Variants in COL4A1 observed in about 807,000 individuals in gnomAD.
COL4A1 encodes collagen type IV alpha 1 chain.
Under a neutral mutation model 216.6 loss-of-function variants are expected in COL4A1, and 40 were observed. The observed-to-expected ratio is 0.18, with a 90% CI of 0.14 to 0.24. COL4A1 has a LOEUF of 0.24. COL4A1 is among the 10% of genes least tolerant of loss of function. The pLI is 1.00. For synonymous variants in COL4A1, 839 were observed against 810.7 expected (o/e 1.03, Z -0.59); for missense variants, 1,628 against 2,196.8 (o/e 0.74, Z 5.18).
chr13:110,221,992 C>T (rs1880503074), intron 2 of COL4A1, among the ~76,000 whole-genome samples: 1 of 152,196 alleles, frequency 6.6e-6, no homozygotes, highest in South Asian at 2.1e-4. Context: ...TCTCTGGAAA[C>T]ACTTGTATTT....
At chr13:110,306,731 G>A (rs949858017) in intron 1 of COL4A1, among the ~76,000 whole-genome samples, 20 of 152,328 alleles carry the variant, frequency 1.3e-4, no homozygotes, top group African/African-American at 4.8e-4. Flanking sequence ...TAACTCTCCA[G>A]TACCCATACC....
In COL4A1 at chr13:110,186,407, G is replaced by A. The variant is rs1252809727; in HGVS notation, c.1875C>T (p.Gly625=). 1.9e-6 allele frequency: 3 copies of A among 1,613,344 alleles called. No individual in the cohort carries two copies. The South Asian group carries it at 3.3e-5, about 18-fold the overall frequency. Residue 625 remains glycine, a synonymous_variant, in exon 26 of 52, where the codon GGC becomes GGT. Transcript: ENST00000375820. ...CACCTGGCAGGCCTGGGGATCCAGG[G>A]CCTCCAGGAAAGCCTGCTTGTCCTT... ...GDKGQAGFPG[G]PGSPGLPGPK... is the part of the protein sequence containing the mutation.
chr13:110,306,880 G>T lies in COL4A1; in HGVS notation c.84+64C>A. On this transcript the variant is annotated intron_variant, in intron 1 of 51. Coordinates refer to ENST00000375820, the MANE Select transcript of COL4A1 (RefSeq NM_001845.6). ...GCGGACGGGTCCAGGCGCGGACAAA[G>T]GGGCCTCTCGGGGCGCCCAAGCTCG... 2.2e-6 allele frequency: 3 copies of T among 1,386,160 alleles called. No individual in the cohort carries two copies. In the South Asian group the frequency reaches 4.6e-5, roughly 21 times the overall value. The allele number at this position is 1,386,160 out of a possible 1,614,324, so 85.9% of individuals were successfully genotyped here. A position where few individuals can be genotyped will look rare whatever the true frequency, so the allele number is the denominator to read the frequency against.
At position 110,174,538 on chromosome 13, in the gene COL4A1, AACAAAAC is replaced by A; in HGVS notation, c.3326-19_3326-13del. The A allele has an allele frequency of 6.2e-7, 1 of 1,614,142 alleles. No individual in the cohort carries two copies. Among genetic ancestry groups the A allele is most frequent in the Non-Finnish European group, 8.5e-7 (1 of 1,180,024 alleles). ...TAGCCCAGGACTTCCTAAAGAAAAAAACAAAACACCAGAACATCCATAAGTTTGGGCT... is the reference window on the plus strand; with the variant it reads ...TAGCCCAGGACTTCCTAAAGAAAAAAACCAGAACATCCATAAGTTTGGGCT... On this transcript the variant is annotated splice_polypyrimidine_tract_variant and intron_variant, in intron 38 of 51. Transcript: ENST00000375820.
In COL4A1 at chr13:110,152,494, C is replaced by A; in HGVS notation, c.4768G>T (p.Gly1590Cys). 6.2e-7 allele frequency: 1 copy of A among 1,612,378 alleles called. No individual in the cohort carries two copies. The highest frequency in any genetic ancestry group is 8.5e-7 in the Non-Finnish European group (1 of 1,179,860). The change falls in exon 51 of 52, where the codon GGT (glycine) becomes TGT (cysteine). Residue 1590 changes from glycine (G) to cysteine (C), a missense_variant. Coordinates refer to ENST00000375820, the MANE Select transcript of COL4A1 (RefSeq NM_001845.6). ...AGGGCTTGGCCAGAGCCTTCTGCAC[C>A]AGCGCTGGTGTGCTGCAGAACAGAT... ...GYSFVMHTSA[G>C]AEGSGQALAS...
At chr13:110,224,345 T>C (rs1247669129) in intron 2 of COL4A1, among the ~76,000 whole-genome samples, 1 of 152,224 alleles carries the variant, frequency 6.6e-6, no homozygotes, top group Non-Finnish European at 1.5e-5. Flanking sequence ...GTTTTTGAGA[T>C]GGAGTCTTGC....
chr13:110,230,243 ATGTG>A (rs375131572), intron 2 of COL4A1, among the ~76,000 whole-genome samples: 132 of 151,530 alleles, frequency 8.7e-4, no homozygotes, highest in African/African-American at 3.0e-3. Context: ...TGTGGTATGT[ATGTG>A]TGTGTGGTGT....
chr13:110,306,861 G>T, intron 1 of COL4A1, 83 bp downstream of exon 1: 1 of 1,262,928 alleles, frequency 7.9e-7, no homozygotes, highest in South Asian at 1.9e-5. Flanking sequence ...GCAGGCGGAC[G>T]GGTCCAGGCG....
chr13:110,289,332 T>C (rs1883988331), intron 1 of COL4A1, among the ~76,000 whole-genome samples: 1 of 152,144 alleles, frequency 6.6e-6, no homozygotes, highest in African/African-American at 2.4e-5. Context: ...GAGGAGACCC[T>C]TCCCAAGGCA....
At chr13:110,212,346 C>G (rs1348427162) in intron 6 of COL4A1, 71 bp downstream of exon 6, 11 of 1,565,526 alleles carry the variant, frequency 7.0e-6, no homozygotes, top group Non-Finnish European at 9.7e-6. Flanking sequence ...CAGAATCACA[C>G]TACCTGACTC....
chr13:110,280,012 C>G (rs1883567530), intron 1 of COL4A1, among the ~76,000 whole-genome samples: 1 of 152,190 alleles, frequency 6.6e-6, no homozygotes, highest in African/African-American at 2.4e-5. Flanking sequence ...TTCTCCCTTC[C>G]TGATATTCCT....
At chr13:110,166,497 A>T (rs886861356) in intron 44 of COL4A1, among the ~76,000 whole-genome samples, 194 bp from the exon 45 acceptor site, 2 of 152,250 alleles carry the variant, frequency 1.3e-5, no homozygotes, top group African/African-American at 4.8e-5. Context: ...ATGCATACAT[A>T]TACACATACA....
chr13:110,193,773 G>A (rs1266092807), intron 22 of COL4A1, among the ~76,000 whole-genome samples: 3 of 152,224 alleles, frequency 2.0e-5, no homozygotes. Flanking sequence ...GTGGGAGCAG[G>A]CACATGGTTT....
chr13:110,188,161 C>G (rs1448046617), intron 24 of COL4A1, among the ~76,000 whole-genome samples: 1 of 152,212 alleles, frequency 6.6e-6, no homozygotes, highest in Admixed American at 6.5e-5. Context: ...AACAATTGTC[C>G]CATTGACTTG....
rs1299521610 is a variant in COL4A1, at chr13:110,211,073, A to T, written c.468+574T>A. 1.3e-5 allele frequency among the ~76,000 whole-genome samples: 2 copies of T among 152,186 alleles called. No individual in the cohort carries two copies. The highest frequency in any genetic ancestry group is 2.9e-5 in the Non-Finnish European group (2 of 68,032). On this transcript the variant is annotated intron_variant, in intron 8 of 51. Coordinates refer to ENST00000375820, the MANE Select transcript of COL4A1 (RefSeq NM_001845.6). The surrounding 1 kb of genome is among the most constrained non-coding windows in gnomAD (Gnocchi z 4.3). ...GAGGATCTATTTCCTACGTGTTCTG[A>T]ATCACAGGAGCGAGCACAGGGACTC...
At chr13:110,275,152 T>A (rs979823555) in intron 1 of COL4A1, among the ~76,000 whole-genome samples, 3 of 152,180 alleles carry the variant, frequency 2.0e-5, no homozygotes, top group East Asian at 3.8e-4. Context: ...TTGCAAAAGA[T>A]ATATTTGATT....
chr13:110,181,729 C>T (rs1878166321), intron 28 of COL4A1, among the ~76,000 whole-genome samples: 1 of 152,146 alleles, frequency 6.6e-6, no homozygotes, highest in South Asian at 2.1e-4. Context: ...TATTCATCTA[C>T]TCAAGGTGTG....
intron 29 of COL4A1, 127 bp downstream of exon 29, chr13:110,181,160 CTATGT>C (rs1265293896): frequency 7.9e-6 from 6 of 760,410 alleles, no homozygotes; most frequent in Middle Eastern, 3.2e-4. Context: ...ACTTTCTATT[CTATGT>C]TATTTCATCA....
chr13:110,289,712 C>T (rs1884007322), intron 1 of COL4A1, among the ~76,000 whole-genome samples: 2 of 152,222 alleles, frequency 1.3e-5, no homozygotes, highest in South Asian at 2.1e-4. Context: ...AGAATACCCA[C>T]AGCCACCTTC....
Sources: gnomAD v4.1 joint callset for allele counts (sites outside exome capture counted in the v4.1 genomes callset) on GRCh38, gnomAD v4.1.1 for gene constraint, Gnocchi (gnomAD v3.1) non-coding constraint, MANE v1.5 for transcripts, NCBI Gene and HGNC (gene_info 2026-07-23, HGNC 2026-07-21) for gene names.